CDH12: variants seen among roughly 807,000 people sequenced by gnomAD.
CDH12 encodes cadherin-12.
CDH12 carries 41 observed loss-of-function variants against 74.1 expected under a neutral mutation model. The observed-to-expected ratio is 0.55, with a 90% CI of 0.43 to 0.72. The LOEUF (loss-of-function observed/expected upper bound fraction) is 0.72, where lower values mean the gene tolerates loss of function less well. CDH12 is among the 30% of genes least tolerant of loss of function. The pLI is 0.00. For missense variants in CDH12, 945 were observed against 977.2 expected (o/e 0.97, Z 0.44); for synonymous variants, 399 against 355.0 (o/e 1.12, Z -1.39).
intron 1 of CDH12, among the ~76,000 whole-genome samples, chr5:22,644,762 G>C (rs1197282677): frequency 6.6e-6 from 1 of 151,946 alleles, no homozygotes; most frequent in East Asian, 1.9e-4. Context: ...CCTGGATTCA[G>C]AGCTTCAAAG....
intron 1 of CDH12, among the ~76,000 whole-genome samples, chr5:22,847,665 T>A (rs1446766769): frequency 6.6e-6 from 1 of 152,176 alleles, no homozygotes; most frequent in Non-Finnish European, 1.5e-5. Context: ...TTCCTAATAA[T>A]CCTTTTTTGA....
At chr5:22,529,161 ATG>A (rs1157957120) in intron 1 of CDH12, among the ~76,000 whole-genome samples, 1 of 112,900 alleles carries the variant, frequency 8.9e-6, no homozygotes, top group African/African-American at 3.2e-5. Flanking sequence ...ATATATACAC[ATG>A]TGTATATATA....
intron 3 of CDH12, among the ~76,000 whole-genome samples, chr5:22,283,201 G>T (rs1170712973): frequency 4.0e-5 from 3 of 75,200 alleles, no homozygotes; most frequent in African/African-American, 5.1e-5. Context: ...AGGAACATCT[G>T]TGAGATATAT....
intron 3 of CDH12, among the ~76,000 whole-genome samples, chr5:22,335,902 T>G (rs1365053198): frequency 3.3e-5 from 5 of 152,142 alleles, no homozygotes; most frequent in African/African-American, 1.2e-4. Context: ...AGGCAGAGGT[T>G]GGAACAGTTT....
chr5:21,830,199 C>CA (rs1055199877), intron 8 of CDH12, among the ~76,000 whole-genome samples: 1,562 of 25,158 alleles, frequency 0.062, 268 homozygotes, highest in Non-Finnish European at 0.08. Context: ...AACTCCTTCT[C>CA]AAAAAAAAAA....
intron 1 of CDH12, among the ~76,000 whole-genome samples, chr5:22,780,249 G>A (rs1023548905): frequency 3.3e-5 from 5 of 152,004 alleles, no homozygotes; most frequent in Middle Eastern, 3.2e-3. Context: ...ATAATTAGTC[G>A]GTATGGTGGC....
chr5:22,498,927 G>A (rs1030733402), intron 2 of CDH12, among the ~76,000 whole-genome samples: 54 of 79,400 alleles, frequency 6.8e-4, no homozygotes, highest in East Asian at 5.3e-3. Context: ...TTTTTGTGAC[G>A]TAGTCTTGCC....
chr5:22,611,654 G>C (rs888656207), intron 1 of CDH12, among the ~76,000 whole-genome samples: 10 of 152,082 alleles, frequency 6.6e-5, no homozygotes, highest in African/African-American at 2.4e-4. Flanking sequence ...TTTATCAAGA[G>C]ATACAGTCTT....
Position 22,078,520 on chromosome 5 carries a change from T to A in CDH12, c.157A>T (p.Lys53Ter). Reference sequence around the variant, plus strand: ...AATTGATTCCATACCCAGCCACGTTTAACACGTTGGAAATGTGACCGTTGT... The same window carrying A: ...AATTGATTCCATACCCAGCCACGTTAAACACGTTGGAAATGTGACCGTTGT... Reference protein sequence around the residue: ...PGQRSHFQRVKRGWVWNQFFV... With the variant: ...PGQRSHFQRV Residue 53 changes from lysine to a stop codon, truncating the protein, a stop_gained, in exon 5 of 15, where the codon AAA becomes TAA. Coordinates refer to ENST00000382254, the MANE Select transcript of CDH12 (RefSeq NM_004061.5). LOFTEE classifies it high-confidence loss of function. 1 of 1,613,952 alleles carries A rather than the reference T, an allele frequency of 6.2e-7. No individual in the cohort carries two copies. Among genetic ancestry groups the A allele is most frequent in the Non-Finnish European group, 8.5e-7 (1 of 1,179,832 alleles).
intron 9 of CDH12, among the ~76,000 whole-genome samples, chr5:21,807,992 A>C (rs1056935309): frequency 2.0e-5 from 3 of 152,080 alleles, no homozygotes; most frequent in African/African-American, 7.2e-5. Context: ...ATAAGAAGTA[A>C]ATTTGTCATT....
chr5:22,348,336 A>T (rs988105209), intron 3 of CDH12, among the ~76,000 whole-genome samples: 35 of 152,220 alleles, frequency 2.3e-4, no homozygotes, highest in African/African-American at 7.7e-4. Context: ...AGTTTCCTGA[A>T]ATCGTGTATC....
intron 1 of CDH12, among the ~76,000 whole-genome samples, chr5:22,581,131 TC>T (rs1740077631): frequency 6.6e-6 from 1 of 152,170 alleles, no homozygotes. Context: ...CAAATATGAA[TC>T]CCCAAGACAA....
intron 1 of CDH12, among the ~76,000 whole-genome samples, chr5:22,568,722 A>G (rs1739404322): frequency 6.6e-6 from 1 of 152,238 alleles, no homozygotes; most frequent in Non-Finnish European, 1.5e-5. Context: ...GACCATAAGA[A>G]TAAAGCAAAT....
intron 3 of CDH12, among the ~76,000 whole-genome samples, chr5:22,281,757 A>G (rs1395929493): frequency 6.6e-6 from 1 of 152,224 alleles, no homozygotes; most frequent in Non-Finnish European, 1.5e-5. Context: ...TTCCATGCTC[A>G]TGGATAGAAA....
At chr5:21,864,032 G>T (rs1182549668) in intron 6 of CDH12, among the ~76,000 whole-genome samples, 1 of 151,848 alleles carries the variant, frequency 6.6e-6, no homozygotes, top group Non-Finnish European at 1.5e-5. Flanking sequence ...AAATGCAAAA[G>T]AAAATTGAAA....
At chr5:22,740,154 T>C (rs1274984373) in intron 1 of CDH12, among the ~76,000 whole-genome samples, 1 of 152,112 alleles carries the variant, frequency 6.6e-6, no homozygotes, top group African/African-American at 2.4e-5. Flanking sequence ...TGAACACTCC[T>C]TACATTGCAG....
At chr5:22,775,027 T>C (rs1332755722) in intron 1 of CDH12, among the ~76,000 whole-genome samples, 1 of 151,182 alleles carries the variant, frequency 6.6e-6, no homozygotes, top group Non-Finnish European at 1.5e-5. Context: ...TATATTTATA[T>C]AATATCTATA....
chr5:22,699,762 C>A (rs1321975685), intron 1 of CDH12, among the ~76,000 whole-genome samples: 1 of 152,134 alleles, frequency 6.6e-6, no homozygotes, highest in Non-Finnish European at 1.5e-5. Flanking sequence ...CCTATAAGTA[C>A]ATTGAACTGA....
chr5:22,029,657 T>C (rs1427477050), intron 5 of CDH12, among the ~76,000 whole-genome samples: 7 of 152,212 alleles, frequency 4.6e-5, no homozygotes, highest in Non-Finnish European at 5.9e-5. Context: ...ACTTTTACAC[T>C]GTTGGTGGGA....
Sources: allele counts gnomAD v4.1 joint callset (sites outside exome capture counted in the v4.1 genomes callset), GRCh38; gene constraint gnomAD v4.1.1; transcripts MANE v1.5; gene names NCBI Gene and HGNC (gene_info 2026-07-23, HGNC 2026-07-21).